The following MCF2 variants were observed in gnomAD, a reference collection of about 807,000 sequenced individuals.
MCF2 encodes the protein proto-oncogene DBL.
MCF2 carries 44 observed loss-of-function variants against 82.5 expected under a neutral mutation model. The ratio of observed to expected loss-of-function variants is 0.53; its 90% CI spans 0.42 to 0.69. The LOEUF is 0.69. MCF2 is among the 30% of genes least tolerant of loss of function. The pLI, the probability that MCF2 is intolerant of heterozygous loss-of-function variation, is 0.00. For synonymous variants in MCF2, 217 were observed against 224.9 expected (o/e 0.96, Z 0.32); for missense variants, 623 against 663.1 (o/e 0.94, Z 0.66).
intron 1 of MCF2, among the ~76,000 whole-genome samples, chrX:139,680,679 T>G (rs1475313320): frequency 8.9e-6 from 1 of 112,103 alleles, no homozygotes; most frequent in Non-Finnish European, 1.9e-5. Flanking sequence ...TGAGAGCAGC[T>G]ATTTAAAGCA....
At chrX:139,662,476 T>TA (rs1934382001) in intron 1 of MCF2, among the ~76,000 whole-genome samples, 1 of 110,529 alleles carries the variant, frequency 9.0e-6, no homozygotes, top group Non-Finnish European at 1.9e-5. Context: ...AAAGCTACAA[T>TA]AAAAAAGACA....
chrX:139,639,031 G>A (rs1467862874), intron 1 of MCF2, among the ~76,000 whole-genome samples: 1 of 111,240 alleles, frequency 9.0e-6, no homozygotes, highest in East Asian at 2.8e-4. Flanking sequence ...AACAGCATAG[G>A]GTATCAGATG....
chrX:139,649,691 A>C (rs1389405752), intron 2 of MCF2, among the ~76,000 whole-genome samples: 2 of 112,028 alleles, frequency 1.8e-5, no homozygotes. Context: ...CAAATCAGGA[A>C]GTTTTAATTA....
At chrX:139,683,750 T>C (rs1935057904) in intron 1 of MCF2, among the ~76,000 whole-genome samples, 1 of 111,751 alleles carries the variant, frequency 8.9e-6, no homozygotes, top group African/African-American at 3.2e-5. Context: ...TTTTAATAAA[T>C]GATGTTGGGA....
At chrX:139,596,528 A>G (rs1318106296) in intron 19 of MCF2, 21 bp downstream of exon 23, 1 of 1,138,632 alleles carries the variant, frequency 8.8e-7, no homozygotes, top group Non-Finnish European at 1.2e-6. Context: ...ATACTACATT[A>G]CCCGATACAA....
chrX:139,631,544 T>G, intron 2 of MCF2, 33 bp from the exon 6 acceptor site: 16 of 762,830 alleles, frequency 2.1e-5, no homozygotes, highest in Non-Finnish European at 3.2e-5. Flanking sequence ...TACTGTTAAC[T>G]GCCCTTCATG....
intron 17 of MCF2, among the ~76,000 whole-genome samples, chrX:139,598,060 G>T (rs764018072): frequency 1.7e-4 from 19 of 111,860 alleles, no homozygotes; most frequent in Non-Finnish European, 3.0e-4. Flanking sequence ...CATTAGGAAG[G>T]CCCCTATGAA....
At chrX:139,606,122 G>A (rs1930991506) in intron 12 of MCF2, among the ~76,000 whole-genome samples, 1 of 107,092 alleles carries the variant, frequency 9.3e-6, no homozygotes, top group African/African-American at 3.4e-5. Flanking sequence ...ACTGAGATTA[G>A]GAATAAATGT....
At position 139,692,081 on chromosome X, in the gene MCF2, G is replaced by T. The variant is rs1273000186; in HGVS notation, c.-45+16025C>A. 4.3e-6 allele frequency: 5 copies of T among 1,164,607 alleles called. No homozygotes were observed. The East Asian group carries it at 1.6e-4, about 38-fold the overall frequency. ...TCTGGGGCAGGCCTGGGATCCTGCC[G>T]CAGGACACTGAGGTCCACGGCGCCG... is the stretch of plus-strand genomic sequence containing the variant. On this transcript the variant is annotated intron_variant, in intron 1 of 27. Transcript: ENST00000414978.
chrX:139,696,885 A>T (rs1222970339), intron 1 of MCF2, among the ~76,000 whole-genome samples: 1 of 112,490 alleles, frequency 8.9e-6, no homozygotes, highest in East Asian at 2.8e-4. Context: ...AATAAGGATA[A>T]TAGCAACCTC....
intron 1 of MCF2, among the ~76,000 whole-genome samples, chrX:139,669,042 G>T (rs1934605877): frequency 9.0e-6 from 1 of 111,220 alleles, no homozygotes. Flanking sequence ...ATATAAATTG[G>T]GCTTCATCAA....
intron 1 of MCF2, among the ~76,000 whole-genome samples, chrX:139,666,741 C>T (rs913989757): frequency 8.9e-6 from 1 of 111,818 alleles, no homozygotes; most frequent in Admixed American, 9.5e-5. Flanking sequence ...TGCATCTGAA[C>T]ACCTAAAATC....
chrX:139,622,137 C>T (rs1261797943), intron 6 of MCF2, among the ~76,000 whole-genome samples: 6 of 112,275 alleles, frequency 5.3e-5, no homozygotes, highest in African/African-American at 1.9e-4. Flanking sequence ...AAATGCTCAT[C>T]ATCACTGGCC....
chrX:139,615,895 C>T (rs1469665823), intron 9 of MCF2, among the ~76,000 whole-genome samples: 1 of 111,480 alleles, frequency 9.0e-6, no homozygotes, highest in Non-Finnish European at 1.9e-5. Context: ...ACATCATCCA[C>T]AGAGCATCTG....
chrX:139,648,385 C>A (rs12841192), intron 2 of MCF2, among the ~76,000 whole-genome samples: 6,252 of 108,933 alleles, frequency 0.057, 195 homozygotes, highest in Non-Finnish European at 0.087. Flanking sequence ...ACGCCCCCCC[C>A]AAAAAGAAAG....
At chrX:139,609,297 C>G (rs1314941008) in intron 11 of MCF2, among the ~76,000 whole-genome samples, 1 of 112,666 alleles carries the variant, frequency 8.9e-6, no homozygotes, top group African/African-American at 3.2e-5. Context: ...GTAATCCCAA[C>G]ACTTTGGGAG....
At chrX:139,700,187 C>A (rs868229783) in intron 1 of MCF2, among the ~76,000 whole-genome samples, 1 of 111,241 alleles carries the variant, frequency 9.0e-6, no homozygotes, top group Non-Finnish European at 1.9e-5. Flanking sequence ...GATTCTTAGG[C>A]CCAATTTCCA....
chrX:139,582,432 G>A (rs766877226), exon 25 of MCF2: 14 of 1,200,128 alleles, frequency 1.2e-5, no homozygotes, highest in Non-Finnish European at 1.5e-5. Context: ...TGAGAAGCAG[G>A]CAGGAAAGAG....
intron 2 of MCF2, among the ~76,000 whole-genome samples, chrX:139,649,475 G>A (rs1005382305): frequency 9.0e-6 from 1 of 111,453 alleles, no homozygotes; most frequent in African/African-American, 3.3e-5. Context: ...CTACATACTT[G>A]CCAAGCAAGC....
Sources: gnomAD v4.1 joint callset for allele counts (sites outside exome capture counted in the v4.1 genomes callset) on GRCh38, gnomAD v4.1.1 for gene constraint, MANE v1.5 for transcripts, NCBI Gene and HGNC (gene_info 2026-07-23, HGNC 2026-07-21) for gene names.